RPS6KL1: variants seen among roughly 807,000 people sequenced by gnomAD.
RPS6KL1 encodes the protein ribosomal protein S6 kinase like 1.
RPS6KL1 carries 41 observed loss-of-function variants against 57.0 expected under a neutral mutation model. The ratio of observed to expected loss-of-function variants is 0.72; its 90% CI spans 0.56 to 0.93. RPS6KL1 has a LOEUF of 0.93. RPS6KL1 is among the 40% of genes least tolerant of loss of function. RPS6KL1 has a pLI of 0.00. For synonymous variants in RPS6KL1, 287 were observed against 309.7 expected, an observed-to-expected ratio of 0.93 and a Z score of 0.77; for missense variants, 697 against 727.7, an observed-to-expected ratio of 0.96 and a Z score of 0.49.
intron 5 of RPS6KL1, among the ~76,000 whole-genome samples, chr14:74,917,108 G>A (rs1398918800): frequency 2.0e-5 from 3 of 152,256 alleles, no homozygotes; most frequent in Non-Finnish European, 4.4e-5. Flanking sequence ...AGGGACCCAG[G>A]AGAAGCAGCT....
rs1887533990 is a variant in RPS6KL1, at chr14:74,919,890, G to A, written c.345C>T (p.Asn115=). ...KYLRRAEEIF[N]CHLQRPLSSG... The stretch of plus-strand genomic sequence containing the variant: ...TGCTCAGCGGCCGCTGCAGGTGGCA[G>A]TTGAAGATCTCCTCTGCCCGCCGCA... The change falls in exon 4 of 12, where the codon AAC becomes AAT. Residue 115 remains asparagine (N), a synonymous_variant. Transcript: ENST00000557413. 6.2e-7 allele frequency: 1 copy of A among 1,613,838 alleles called. No individual in the cohort carries two copies. The highest frequency in any genetic ancestry group is 1.3e-5 in the African/African-American group (1 of 74,904).
intron 10 of RPS6KL1, 53 bp from the exon 11 acceptor site, chr14:74,907,583 A>ACT: frequency 2.0e-6 from 3 of 1,488,384 alleles, no homozygotes; most frequent in Non-Finnish European, 2.7e-6. Context: ...GACCGTCTAC[A>ACT]CTCCAGTGGC....
chr14:74,908,963 C>G, intron 9 of RPS6KL1, 31 bp from the exon 10 acceptor site: 1 of 1,601,882 alleles, frequency 6.2e-7, no homozygotes, highest in Non-Finnish European at 8.5e-7. Context: ...GTGTCCCAGC[C>G]TCACCTAAGA....
At chr14:74,909,001 C>G (rs1329657320) in intron 9 of RPS6KL1, 69 bp from the exon 10 acceptor site, 1 of 1,569,334 alleles carries the variant, frequency 6.4e-7, no homozygotes. Context: ...CTCAGCCTAC[C>G]CAGACACCAC....
chr14:74,918,333 A>G (rs1887207317), intron 5 of RPS6KL1, among the ~76,000 whole-genome samples, 180 bp downstream of exon 5: 1 of 152,046 alleles, frequency 6.6e-6, no homozygotes, highest in Admixed American at 6.5e-5. Context: ...GATGGGGGAG[A>G]GGTGGGAACT....
chr14:74,916,792 A>G (rs1011392358), intron 5 of RPS6KL1, among the ~76,000 whole-genome samples: 22 of 152,204 alleles, frequency 1.4e-4, no homozygotes, highest in African/African-American at 4.6e-4. Context: ...AGTTTGGGGA[A>G]TTCTGTGTCA....
At chr14:74,915,829 C>T (rs1462074433) in intron 5 of RPS6KL1, among the ~76,000 whole-genome samples, 1 of 152,172 alleles carries the variant, frequency 6.6e-6, no homozygotes, top group Non-Finnish European at 1.5e-5. Flanking sequence ...ACAAAAAAAA[C>T]ACCCCTGTGT....
At position 74,910,106 on chromosome 14, in the gene RPS6KL1, C is replaced by T. The variant is rs532432330; in HGVS notation, c.707G>A (p.Arg236Gln). The T allele has an allele frequency of 8.2e-6, 13 of 1,579,596 alleles. No individual in the cohort carries two copies. In the East Asian group the frequency reaches 1.6e-4, roughly 19 times the overall value. ...AGAGCCAGAGCTGAGCCCAGAATGTCGGGAGTGCGCCTGGGAGAGCAGGTG... is the reference window on the plus strand; with the variant it reads ...AGAGCCAGAGCTGAGCCCAGAATGTTGGGAGTGCGCCTGGGAGAGCAGGTG... Reference protein sequence around the residue: ...WSHLLSQAHSRHSGLSSGSTQ... With the variant: ...WSHLLSQAHSQHSGLSSGSTQ... The change falls in exon 8 of 12, where the codon CGA (arginine) becomes CAA (glutamine). Residue 236 changes from arginine (R) to glutamine (Q), a missense_variant. Transcript: ENST00000557413.
At chr14:74,920,245 G>A (rs907631721) in intron 3 of RPS6KL1, among the ~76,000 whole-genome samples, 6 of 152,204 alleles carry the variant, frequency 3.9e-5, no homozygotes, top group East Asian at 1.9e-4. Flanking sequence ...CCTTGCTGGC[G>A]GCTGTCACAC....
In RPS6KL1 at chr14:74,921,266, C is replaced by CCCCCCGG; in HGVS notation, c.265+10_265+11insCCGGGGG. ...CCACCCACCCCAGCCCTGCCCAGCC[C>CCCCCCGG]CGGTCCTCACCGTGTATGCCACGGA... On this transcript the variant is annotated intron_variant, in intron 3 of 11. Coordinates refer to ENST00000557413, the MANE Select transcript of RPS6KL1 (RefSeq NM_031464.5). 1 of 1,607,372 alleles carries CCCCCCGG rather than the reference C, an allele frequency of 6.2e-7. No homozygotes were observed. The highest frequency in any genetic ancestry group is 8.5e-7 in the Non-Finnish European group (1 of 1,174,148).
At chr14:74,911,946 C>CAGTG in intron 5 of RPS6KL1, 105 bp from the exon 6 acceptor site, 1 of 926,352 alleles carries the variant, frequency 1.1e-6, no homozygotes, top group Non-Finnish European at 1.7e-6. Context: ...CTGACTCACT[C>CAGTG]CAGTGGCAGG....
At chr14:74,921,775 TTC>T in intron 2 of RPS6KL1, 3 of 1,210,388 alleles carry the variant, frequency 2.5e-6, no homozygotes, top group Non-Finnish European at 3.1e-6. Context: ...CTGTTTTCTT[TTC>T]TTTTTTTTTT....
Position 74,918,499 on chromosome 14 carries a change from G to A in RPS6KL1, c.483+14C>T, listed in dbSNP as rs1887241452. On this transcript the variant is annotated intron_variant, in intron 5 of 11. Transcript: ENST00000557413. ...ACTGTCTCCCTCCTGCAAGGCGAGTGTCCACTCACTCACCTTCTCGATGAC... is the reference window on the plus strand; with the variant it reads ...ACTGTCTCCCTCCTGCAAGGCGAGTATCCACTCACTCACCTTCTCGATGAC... The A allele has an allele frequency of 3.3e-6, 5 of 1,513,750 alleles. No individual in the cohort carries two copies. Among genetic ancestry groups the A allele is most frequent in the Non-Finnish European group, 4.4e-6 (5 of 1,130,834 alleles). 93.8% of individuals were successfully genotyped at this position (1,513,750 alleles called of 1,614,324 possible). A position where few individuals can be genotyped will look rare whatever the true frequency, so the allele number is the denominator to read the frequency against.
intron 5 of RPS6KL1, among the ~76,000 whole-genome samples, chr14:74,913,598 C>T (rs764409763): frequency 2.0e-5 from 3 of 152,034 alleles, no homozygotes; most frequent in Non-Finnish European, 4.4e-5. Context: ...CCAAGAAAGC[C>T]CTTGGTGAGT....
chr14:74,918,624 G>C lies in RPS6KL1; in HGVS notation c.391-19C>G, dbSNP rs1887268054. The C allele has an allele frequency of 2.0e-6, 3 of 1,525,008 alleles. No individual in the cohort carries two copies. The highest frequency in any genetic ancestry group is 2.7e-5 in the African/African-American group (2 of 72,820). The allele number at this position is 1,525,008 out of a possible 1,614,324, so 94.5% of individuals were successfully genotyped here. A position where few individuals can be genotyped will look rare whatever the true frequency, so the allele number is the denominator to read the frequency against. On this transcript the variant is annotated intron_variant, in intron 4 of 11. Coordinates refer to ENST00000557413, the MANE Select transcript of RPS6KL1 (RefSeq NM_031464.5). ...TGAAACCCTGCAGAGGAGGGAGACA[G>C]GCCACACACAGCCTCAGGGCCGAGC...
At chr14:74,907,336 CTG>C (rs1885072714) in intron 11 of RPS6KL1, 97 bp downstream of exon 11, 11 of 1,495,868 alleles carry the variant, frequency 7.4e-6, no homozygotes, top group East Asian at 2.5e-5. Flanking sequence ...ACATCAGACA[CTG>C]AGCACGAAGC....
chr14:74,918,405 G>A (rs549726222), intron 5 of RPS6KL1, 108 bp downstream of exon 5: 17 of 764,996 alleles, frequency 2.2e-5, no homozygotes, highest in Non-Finnish European at 3.3e-5. Context: ...GGAGGAGTGG[G>A]GGCCACTGCT....
chr14:74,911,987 G>T, intron 5 of RPS6KL1, 146 bp from the exon 6 acceptor site: 1 of 668,350 alleles, frequency 1.5e-6, no homozygotes. Context: ...TGGCACTCCT[G>T]AAGCAGACAT....
chr14:74,921,779 T>TTC lies in RPS6KL1; in HGVS notation c.-21+198_-21+199insGA, dbSNP rs909978375. 53 of 926,450 alleles carry TTC rather than the reference T, an allele frequency of 5.7e-5. No homozygotes were observed. The African/African-American group carries it at 7.3e-4, about 13-fold the overall frequency. 57.4% of individuals were successfully genotyped at this position (926,450 alleles called of 1,614,324 possible). ...AGCTCAGGATTCTGTTTTCTTTTCT[T>TTC]TTTTTTTTTTTTTTTTGAGTCAGAG... On this transcript the variant is annotated intron_variant, in intron 2 of 11. Coordinates refer to ENST00000557413, the MANE Select transcript of RPS6KL1 (RefSeq NM_031464.5).
Sources: gnomAD v4.1 joint callset for allele counts (sites outside exome capture counted in the v4.1 genomes callset) on GRCh38, gnomAD v4.1.1 for gene constraint, MANE v1.5 for transcripts, NCBI Gene and HGNC (gene_info 2026-07-23, HGNC 2026-07-21) for gene names.